The following TRDN variants were observed in gnomAD, a reference collection of about 807,000 sequenced individuals.
The protein encoded by TRDN is triadin in skeletal muscle.
Under a neutral mutation model 149.7 loss-of-function variants are expected in TRDN, and 161 were observed. That is an observed-to-expected ratio of 1.08 (90% CI 0.95 to 1.23). The LOEUF (loss-of-function observed/expected upper bound fraction) is 1.23. TRDN is among the 50% of genes most tolerant of loss of function. The probability of loss-of-function intolerance (pLI) is 0.00; values close to 1 mark genes in which losing one functional copy is unlikely to be tolerated. For missense variants in TRDN, 896 were observed against 823.5 expected, an observed-to-expected ratio of 1.09 and a Z score of -1.08; for synonymous variants, 294 against 250.5, an observed-to-expected ratio of 1.17 and a Z score of -1.64.
At chr6:123,518,211 T>C (rs191247740) in intron 5 of TRDN, among the ~76,000 whole-genome samples, 1 of 152,184 alleles carries the variant, frequency 6.6e-6, no homozygotes, top group African/African-American at 2.4e-5. Flanking sequence ...CATTGAGATA[T>C]TATTTTTTTC....
At chr6:123,525,568 C>A (rs372089322) in intron 5 of TRDN, among the ~76,000 whole-genome samples, 6 of 151,888 alleles carry the variant, frequency 4.0e-5, no homozygotes, top group African/African-American at 7.3e-5. Context: ...GGAACTGAGG[C>A]TTGAAAAATT....
intron 2 of TRDN, among the ~76,000 whole-genome samples, chr6:123,569,407 C>T (rs369046226): frequency 6.6e-6 from 1 of 152,162 alleles, no homozygotes; most frequent in South Asian, 2.1e-4. Flanking sequence ...AACTTCTGCC[C>T]ATTACCCAGT....
chr6:123,248,156 T>C (rs1367988981), intron 38 of TRDN, among the ~76,000 whole-genome samples: 4 of 152,002 alleles, frequency 2.6e-5, no homozygotes, highest in African/African-American at 9.7e-5. Context: ...AATTGTGCGT[T>C]GAAATAATAA....
At chr6:123,600,462 G>A (rs1583307393) in intron 1 of TRDN, among the ~76,000 whole-genome samples, 2 of 152,046 alleles carry the variant, frequency 1.3e-5, no homozygotes, top group South Asian at 2.1e-4. Flanking sequence ...ATTTAGCTTC[G>A]GACAATGATG....
chr6:123,239,909 A>T (rs2114541519), intron 38 of TRDN, among the ~76,000 whole-genome samples: 1 of 152,156 alleles, frequency 6.6e-6, no homozygotes, highest in East Asian at 1.9e-4. Context: ...GAACTGATTA[A>T]ATGTGTATGT....
At chr6:123,296,198 T>C (rs1778188972) in intron 24 of TRDN, among the ~76,000 whole-genome samples, 1 of 152,146 alleles carries the variant, frequency 6.6e-6, no homozygotes, top group Non-Finnish European at 1.5e-5. Context: ...TTTAAGGGCG[T>C]ATTAACAAAT....
At chr6:123,281,410 A>C (rs1777580922) in intron 24 of TRDN, among the ~76,000 whole-genome samples, 1 of 152,088 alleles carries the variant, frequency 6.6e-6, no homozygotes. Flanking sequence ...AGCACAGTTC[A>C]ATAAGAGGAA....
chr6:123,429,663 T>G (rs1774253911), intron 12 of TRDN, among the ~76,000 whole-genome samples: 3 of 152,152 alleles, frequency 2.0e-5, no homozygotes, highest in Non-Finnish European at 4.4e-5. Flanking sequence ...ATTAACAGAT[T>G]AAAAAATAAC....
intron 10 of TRDN, chr6:123,464,223 AAATG>A (rs890195229): frequency 7.2e-6 from 7 of 966,634 alleles, no homozygotes; most frequent in Non-Finnish European, 8.6e-6. Flanking sequence ...AAAGTTTAAG[AAATG>A]AATGAAGACT....
intron 1 of TRDN, among the ~76,000 whole-genome samples, chr6:123,579,424 T>C (rs190896900): frequency 1.3e-5 from 2 of 152,356 alleles, no homozygotes; most frequent in East Asian, 3.9e-4. Context: ...TTTGGTTCCA[T>C]TTATTTGATG....
intron 24 of TRDN, among the ~76,000 whole-genome samples, chr6:123,298,722 AAC>A (rs1778298486): frequency 1.3e-5 from 2 of 152,122 alleles, no homozygotes; most frequent in Admixed American, 1.3e-4. Flanking sequence ...CACTTCTGCT[AAC>A]AATTCATCAA....
chr6:123,325,560 A>T (rs1359811396), intron 23 of TRDN, among the ~76,000 whole-genome samples: 2 of 152,118 alleles, frequency 1.3e-5, no homozygotes, highest in African/African-American at 4.8e-5. Context: ...TAAAATATAT[A>T]GATTAATTGA....
At chr6:123,472,557 G>T (rs1439143221) in intron 9 of TRDN, among the ~76,000 whole-genome samples, 2 of 152,234 alleles carry the variant, frequency 1.3e-5, no homozygotes, top group African/African-American at 2.4e-5. Flanking sequence ...CAGCCGGGAA[G>T]CTCGAACTGG....
At chr6:123,575,442 T>G (rs1434335936) in intron 1 of TRDN, among the ~76,000 whole-genome samples, 1 of 152,026 alleles carries the variant, frequency 6.6e-6, no homozygotes, top group Non-Finnish European at 1.5e-5. Flanking sequence ...GAGAAGCACT[T>G]TAAAGATGAC....
At chr6:123,366,786 G>C (rs565768188) in intron 19 of TRDN, among the ~76,000 whole-genome samples, 4 of 152,118 alleles carry the variant, frequency 2.6e-5, no homozygotes, top group Non-Finnish European at 5.9e-5. Flanking sequence ...CCAAAGTGCT[G>C]GGATTACAGG....
chr6:123,279,134 A>T, intron 24 of TRDN, 52 bp from the exon 25 acceptor site: 1 of 1,397,594 alleles, frequency 7.2e-7, no homozygotes, highest in Non-Finnish European at 9.9e-7. Context: ...ATTCTTATTA[A>T]ATTAACATTA....
intron 14 of TRDN, among the ~76,000 whole-genome samples, chr6:123,382,952 C>T (rs557770629): frequency 6.6e-6 from 1 of 151,940 alleles, no homozygotes; most frequent in South Asian, 2.1e-4. Context: ...CTTCTTTGTC[C>T]TTTTACTGTT....
rs77974818 is a variant in TRDN at position 123,220,013 on chromosome 6, T to C, written c.2051-1273A>G. Among the ~76,000 whole-genome samples the C allele has an allele frequency of 8.2e-3, 1,247 of 151,980 alleles. 15 individuals carry two copies. Among genetic ancestry groups the C allele is most frequent in the African/African-American group, 0.028 (1,182 of 41,520 alleles). ...ATTAAAATATTATTATGACTGCAAA[T>C]ATTAGAGCTTAAATTAAAGGCTCAT... On this transcript the variant is annotated intron_variant, in intron 40 of 40. Coordinates refer to ENST00000334268, the MANE Select transcript of TRDN (RefSeq NM_006073.4).
chr6:123,244,928 G>A (rs1230897066), intron 38 of TRDN, among the ~76,000 whole-genome samples: 1 of 152,164 alleles, frequency 6.6e-6, no homozygotes, highest in Non-Finnish European at 1.5e-5. Flanking sequence ...ATAAGAGAGT[G>A]GGGGCCAATA....
Sources: gnomAD v4.1 joint callset for allele counts (sites outside exome capture counted in the v4.1 genomes callset) on GRCh38, gnomAD v4.1.1 for gene constraint, MANE v1.5 for transcripts, NCBI Gene and HGNC (gene_info 2026-07-23, HGNC 2026-07-21) for gene names.